NR5A2: variants seen among roughly 807,000 people sequenced by gnomAD.
NR5A2 encodes nuclear receptor subfamily 5 group A member 2, also known as CYP7A promoter-binding factor.
A neutral mutation model predicts 62.7 loss-of-function variants in NR5A2; 26 were observed. That is an observed-to-expected ratio of 0.41 (90% confidence interval 0.30 to 0.58). The LOEUF is 0.58. NR5A2 is among the 20% of genes least tolerant of loss of function. The probability of loss-of-function intolerance (pLI) is 0.22; values close to 1 mark genes in which losing one functional copy is unlikely to be tolerated. For missense variants in NR5A2, 541 were observed against 669.1 expected, an observed-to-expected ratio of 0.81 and a Z score of 2.11; for synonymous variants, 246 against 241.7, an observed-to-expected ratio of 1.02 and a Z score of -0.16.
intron 5 of NR5A2, among the ~76,000 whole-genome samples, chr1:200,110,225 C>G (rs1665878474): frequency 6.6e-6 from 1 of 152,166 alleles, no homozygotes; most frequent in Non-Finnish European, 1.5e-5. Flanking sequence ...ATGGCAGTTG[C>G]TTTTTCAATA....
chr1:200,100,888 A>G (rs1665333550), intron 5 of NR5A2, among the ~76,000 whole-genome samples: 1 of 152,186 alleles, frequency 6.6e-6, no homozygotes, highest in African/African-American at 2.4e-5. Context: ...GCTACAAGGA[A>G]CCAAATTGTG....
At chr1:200,059,643 A>G (rs1268626266) in intron 5 of NR5A2, among the ~76,000 whole-genome samples, 1 of 152,120 alleles carries the variant, frequency 6.6e-6, no homozygotes, top group Non-Finnish European at 1.5e-5. Context: ...ACACACATGC[A>G]CACAAACACA....
intron 6 of NR5A2, among the ~76,000 whole-genome samples, chr1:200,113,653 T>C (rs1666066727): frequency 2.0e-5 from 3 of 152,342 alleles, no homozygotes; most frequent in South Asian, 4.1e-4. Context: ...TTGAACTAAA[T>C]GAGAACTATT....
rs1312474234 is a variant in NR5A2, at chr1:200,039,815, C to T, written c.202+20C>T. On this transcript the variant is annotated intron_variant, in intron 2 of 7. Transcript: ENST00000367362. The surrounding 1 kb of genome is among the most constrained non-coding windows in gnomAD (Gnocchi z 5.1). ...TGCAAGGTAAGGAGGCGCCGCGCGGCGCTCCGGCTCCCGCTGCTTCCCCAC... is the reference window on the plus strand; with the variant it reads ...TGCAAGGTAAGGAGGCGCCGCGCGGTGCTCCGGCTCCCGCTGCTTCCCCAC... The T allele has an allele frequency of 8.2e-6, 13 of 1,587,022 alleles. No homozygotes were observed. Among genetic ancestry groups the T allele is most frequent in the Non-Finnish European group, 1.1e-5 (13 of 1,169,280 alleles).
At chr1:200,104,045 G>C (rs1412816559) in intron 5 of NR5A2, among the ~76,000 whole-genome samples, 2 of 152,164 alleles carry the variant, frequency 1.3e-5, no homozygotes, top group African/African-American at 2.4e-5. Context: ...AGGAGGTTAG[G>C]GGGAGGTCCT....
chr1:200,163,186 T>C (rs1470638589), intron 7 of NR5A2, among the ~76,000 whole-genome samples: 1 of 150,954 alleles, frequency 6.6e-6, no homozygotes, highest in African/African-American at 2.4e-5. Context: ...TTTCACTTGC[T>C]GTTATAAAAC....
At chr1:200,173,932 G>C in intron 7 of NR5A2, 31 bp from the exon 8 acceptor site, 1 of 1,259,250 alleles carries the variant, frequency 7.9e-7, no homozygotes, top group Non-Finnish European at 1.0e-6. Flanking sequence ...CTATTGAAAT[G>C]TTGCTTTTTT....
chr1:200,151,598 G>C (rs1317292170), intron 7 of NR5A2, among the ~76,000 whole-genome samples: 1 of 152,096 alleles, frequency 6.6e-6, no homozygotes, highest in African/African-American at 2.4e-5. Context: ...TTATAAAATA[G>C]TATCATATTC....
chr1:200,132,028 G>A (rs1280512657), intron 7 of NR5A2, among the ~76,000 whole-genome samples: 1 of 151,390 alleles, frequency 6.6e-6, no homozygotes, highest in African/African-American at 2.4e-5. Flanking sequence ...TCTTTTTTTT[G>A]TTTGAGATGG....
intron 5 of NR5A2, among the ~76,000 whole-genome samples, chr1:200,104,602 A>T (rs10800666): frequency 6.6e-6 from 1 of 151,962 alleles, no homozygotes; most frequent in Non-Finnish European, 1.5e-5. Context: ...AAAAAGAAGG[A>T]ATAATAGCTG....
Position 200,058,917 on chromosome 1 carries a change from C to G in NR5A2, c.1110+10099C>G, listed in dbSNP as rs558524078. ...CTGAGGTCAGGAGTTCGAGACCAGC[C>G]TGGCCAACATGGTGAAACCCCTTCT... On this transcript the variant is annotated intron_variant, in intron 5 of 7. Coordinates refer to ENST00000367362, the MANE Select transcript of NR5A2 (RefSeq NM_205860.3). Among the ~76,000 whole-genome samples, 156 of 150,976 alleles carry G rather than the reference C, an allele frequency of 1.0e-3. 8 individuals are homozygous for G. The South Asian group carries it at 0.032, about 31-fold the overall frequency.
intron 2 of NR5A2, among the ~76,000 whole-genome samples, chr1:200,040,638 C>A (rs556078737): frequency 1.3e-5 from 2 of 152,360 alleles, no homozygotes; most frequent in South Asian, 4.1e-4. Context: ...GAAAAGTCAC[C>A]GGTGCTCTTC....
At chr1:200,077,562 A>G (rs796129429) in intron 5 of NR5A2, among the ~76,000 whole-genome samples, 18 of 152,240 alleles carry the variant, frequency 1.2e-4, no homozygotes, top group African/African-American at 4.3e-4. Flanking sequence ...AAAAATACAA[A>G]AATTAGCCAG....
chr1:200,062,100 A>G (rs1663248490), intron 5 of NR5A2, among the ~76,000 whole-genome samples: 1 of 152,220 alleles, frequency 6.6e-6, no homozygotes, highest in South Asian at 2.1e-4. Context: ...AATTCCCAGA[A>G]TAATGTTTTA....
chr1:200,141,473 G>A (rs975134985), intron 7 of NR5A2, among the ~76,000 whole-genome samples: 7 of 152,074 alleles, frequency 4.6e-5, no homozygotes, highest in Admixed American at 4.6e-4. Flanking sequence ...GTGTTCTTTG[G>A]TATGGATATA....
rs781767605 is a variant in NR5A2, at chr1:200,120,811, G to A, written c.1234G>A (p.Asp412Asn). ...AAACTGTGATTCTGTATTGCAGGTGGACTATTCCATAATAGCATCACAAGC... is the reference window on the plus strand; with the variant it reads ...AAACTGTGATTCTGTATTGCAGGTGAACTATTCCATAATAGCATCACAAGC... Reference protein sequence around the residue: ...SIFLVTGQQVDYSIIASQAGA... With the variant: ...SIFLVTGQQVNYSIIASQAGA... Residue 412 changes from aspartate (D) to asparagine (N), a missense_variant, in exon 7 of 8, where the codon GAC becomes AAC. Coordinates refer to ENST00000367362, the MANE Select transcript of NR5A2 (RefSeq NM_205860.3). 2.6e-6 allele frequency: 4 copies of A among 1,545,964 alleles called. No individual in the cohort carries two copies. Among genetic ancestry groups the A allele is most frequent in the Non-Finnish European group, 3.5e-6 (4 of 1,150,958 alleles).
chr1:200,087,481 G>A (rs186825773), intron 5 of NR5A2, among the ~76,000 whole-genome samples: 7 of 151,810 alleles, frequency 4.6e-5, no homozygotes, highest in East Asian at 1.9e-4. Flanking sequence ...TGCAACCTCC[G>A]CCTCCTGGGT....
At chr1:200,072,404 T>C (rs1436884668) in intron 5 of NR5A2, among the ~76,000 whole-genome samples, 2 of 152,174 alleles carry the variant, frequency 1.3e-5, no homozygotes, top group African/African-American at 4.8e-5. Context: ...TAAGACAAAA[T>C]TTGAATGATT....
At position 200,052,648 on chromosome 1, in the gene NR5A2, C is replaced by CTT. The variant is rs35092946; in HGVS notation, c.1110+3840_1110+3841dup. ...TTTGAAATGACCTCTTTCTCACTCT[C>CTT]TTTTTTTTTTTGAGACGGAGTCTTG... On this transcript the variant is annotated intron_variant, in intron 5 of 7. Transcript: ENST00000367362. Among the ~76,000 whole-genome samples, 57 of 147,678 alleles carry CTT rather than the reference C, an allele frequency of 3.9e-4. No individual in the cohort carries two copies. The South Asian group carries it at 6.5e-3, about 17-fold the overall frequency.
Sources: allele counts gnomAD v4.1 joint callset (sites outside exome capture counted in the v4.1 genomes callset), GRCh38; gene constraint gnomAD v4.1.1; non-coding constraint Gnocchi (gnomAD v3.1); transcripts MANE v1.5; gene names NCBI Gene and HGNC (gene_info 2026-07-23, HGNC 2026-07-21).